The following DHRS4L2 variants were observed in gnomAD, a reference collection of about 807,000 sequenced individuals.
DHRS4L2 encodes the protein dehydrogenase/reductase 4 like 2.
A neutral mutation model predicts 23.9 loss-of-function variants in DHRS4L2; 22 were observed. The observed-to-expected ratio is 0.92, with a 90% CI of 0.66 to 1.31. DHRS4L2 has a LOEUF of 1.31. Among genes scored for constraint, DHRS4L2 ranks in the 40% most tolerant of loss-of-function variants. The pLI is 0.00. For missense variants in DHRS4L2, 385 were observed against 303.3 expected (o/e 1.27, Z -2.00); for synonymous variants, 141 against 123.7 (o/e 1.14, Z -0.93).
In DHRS4L2 at chr14:24,001,464, C is replaced by T. The variant is rs1478999082; in HGVS notation, c.612C>T (p.Asn204=). The T allele has an allele frequency of 6.2e-7, 1 of 1,605,636 alleles. No individual in the cohort carries two copies. Among genetic ancestry groups the T allele is most frequent in the Non-Finnish European group, 8.5e-7 (1 of 1,178,916 alleles). ...TGGCCATAGAGCTGGCCCCAAGGAA[C>T]ATTAGGGTGAACTGCCTGCACCTGG... ...NTLAIELAPR[N]IRVNCLHLDL... Residue 204 remains asparagine, a synonymous_variant, in exon 6 of 8, where the codon AAC becomes AAT. Transcript: ENST00000335125.
upstream of DHRS4L2, among the ~76,000 whole-genome samples, chr14:23,988,304 G>A (rs142554673): frequency 0.023 from 3,342 of 148,338 alleles, 176 homozygotes; most frequent in Middle Eastern, 0.056. Context: ...CTTTGGCGAG[G>A]GATATGAGAT....
At chr14:23,973,112 T>C (rs150414372) in intron 1 of DHRS4L2, among the ~76,000 whole-genome samples, 2,149 of 151,972 alleles carry the variant, frequency 0.014, 32 homozygotes, top group Middle Eastern at 0.031. Context: ...TGCAAGAGGC[T>C]TTCCTCTTTT....
chr14:23,993,615 T>C (rs2034313997), intron 2 of DHRS4L2, among the ~76,000 whole-genome samples: 1 of 151,610 alleles, frequency 6.6e-6, no homozygotes, highest in African/African-American at 2.4e-5. Flanking sequence ...GCTTGGCCAT[T>C]CATTACTCTA....
chr14:23,986,686 C>A (rs968633198), upstream of DHRS4L2, among the ~76,000 whole-genome samples: 2 of 151,404 alleles, frequency 1.3e-5, no homozygotes, highest in Non-Finnish European at 2.9e-5. Context: ...AACCCTCAGC[C>A]CCTCAGTGGG....
At chr14:23,995,674 C>T (rs1369884083) in intron 3 of DHRS4L2, among the ~76,000 whole-genome samples, 3 of 151,646 alleles carry the variant, frequency 2.0e-5, no homozygotes, top group Non-Finnish European at 4.4e-5. Flanking sequence ...ATCTGAGATC[C>T]AGATGTCTAA....
chr14:23,993,362 T>G (rs1169093338), intron 2 of DHRS4L2, among the ~76,000 whole-genome samples: 1 of 151,716 alleles, frequency 6.6e-6, no homozygotes, highest in Non-Finnish European at 1.5e-5. Context: ...CCAGCATTCC[T>G]TCCACTGTCT....
At position 24,001,957 on chromosome 14, in the gene DHRS4L2, CTTT is replaced by C. The variant is rs762131811; in HGVS notation, c.665+454_665+456del. 2.0e-3 allele frequency among the ~76,000 whole-genome samples: 11 copies of C among 5,516 alleles called. 5 individuals carry two copies. The highest frequency in any genetic ancestry group is 7.6e-3 in the African/African-American group (2 of 264). The allele number at this position is 5,516 out of a possible 152,430, so 3.6% of individuals were successfully genotyped here. A position where few individuals can be genotyped will look rare whatever the true frequency, so the allele number is the denominator to read the frequency against. The stretch of plus-strand genomic sequence containing the variant: ...CCTTTCCATTCTTCACTTTCCTCTT[CTTT>C]TTTTTTTTTTTTTCTTTTTTAATTA... On this transcript the variant is annotated intron_variant, in intron 6 of 7. Transcript: ENST00000335125.
chr14:23,971,172 G>A (rs1331513525), intron 1 of DHRS4L2, among the ~76,000 whole-genome samples: 1 of 152,040 alleles, frequency 6.6e-6, no homozygotes, highest in Admixed American at 6.6e-5. Flanking sequence ...CAGAAGTTAA[G>A]CTTCAGAAGG....
At chr14:23,976,389 G>C (rs1594452552) in intron 1 of DHRS4L2, among the ~76,000 whole-genome samples, 1 of 151,944 alleles carries the variant, frequency 6.6e-6, no homozygotes, top group East Asian at 1.9e-4. Flanking sequence ...GAAATGCAAA[G>C]CAAAACCACA....
intron 1 of DHRS4L2, among the ~76,000 whole-genome samples, chr14:23,977,171 C>T (rs1453937741): frequency 6.6e-6 from 1 of 151,912 alleles, no homozygotes; most frequent in Non-Finnish European, 1.5e-5. Context: ...TTTAAATAGA[C>T]TATATCAGTC....
intron 1 of DHRS4L2, among the ~76,000 whole-genome samples, chr14:23,982,709 T>C (rs994115175): frequency 6.6e-6 from 1 of 151,066 alleles, no homozygotes; most frequent in Non-Finnish European, 1.5e-5. Context: ...GGGGAAAGGA[T>C]TCCCTATTTT....
intron 1 of DHRS4L2, among the ~76,000 whole-genome samples, chr14:23,989,762 C>CA (rs1486349084): frequency 6.6e-6 from 1 of 151,714 alleles, no homozygotes; most frequent in Non-Finnish European, 1.5e-5. Context: ...ACATGCACCC[C>CA]AAAAAATAAT....
intron 1 of DHRS4L2, among the ~76,000 whole-genome samples, chr14:23,971,308 A>G (rs559389019): frequency 2.6e-5 from 4 of 152,066 alleles, no homozygotes; most frequent in Non-Finnish European, 4.4e-5. Context: ...AAGAGCTTAA[A>G]TGACCTGATG....
chr14:23,995,898 A>G (rs566554506), intron 3 of DHRS4L2, among the ~76,000 whole-genome samples: 13 of 151,892 alleles, frequency 8.6e-5, no homozygotes, highest in Admixed American at 4.6e-4. Context: ...TCTGTTTTGC[A>G]TTGCTATAAA....
intron 1 of DHRS4L2, among the ~76,000 whole-genome samples, chr14:23,974,606 G>C (rs1005085979): frequency 3.3e-5 from 5 of 151,772 alleles, no homozygotes; most frequent in Admixed American, 1.3e-4. Flanking sequence ...TACCATCAGA[G>C]AATACTATAA....
At chr14:23,975,784 A>G (rs1302122644) in intron 1 of DHRS4L2, among the ~76,000 whole-genome samples, 1 of 151,634 alleles carries the variant, frequency 6.6e-6, no homozygotes, top group Non-Finnish European at 1.5e-5. Flanking sequence ...ACAGAACAGA[A>G]GCCTCAGAAA....
rs192748015 is a variant in DHRS4L2 at position 23,982,080 on chromosome 14, G to A, written c.-175-8102G>A. On this transcript the variant is annotated intron_variant, in intron 1 of 5. Coordinates refer to the DHRS4L2 transcript ENST00000534993. ...TCAGCACAGACCCTTCATGGGTGTCGGGCTGGGGGACGGTCAGGGCTCTCC... is the reference window on the plus strand; with the variant it reads ...TCAGCACAGACCCTTCATGGGTGTCAGGCTGGGGGACGGTCAGGGCTCTCC... Among the ~76,000 whole-genome samples, 51 of 151,396 alleles carry A rather than the reference G, an allele frequency of 3.4e-4. 1 individual carries two copies. Among genetic ancestry groups the A allele is most frequent in the Non-Finnish European group, 6.5e-4 (44 of 67,846 alleles).
At chr14:23,971,083 G>A (rs952771620) in intron 1 of DHRS4L2, among the ~76,000 whole-genome samples, 6 of 152,022 alleles carry the variant, frequency 3.9e-5, no homozygotes, top group East Asian at 1.9e-4. Context: ...AAACCAGAAC[G>A]TCTCTTCTCT....
At chr14:23,979,307 C>A (rs2034020769) in intron 1 of DHRS4L2, among the ~76,000 whole-genome samples, 2 of 136,316 alleles carry the variant, frequency 1.5e-5, no homozygotes, top group Non-Finnish European at 3.1e-5. Context: ...TGCTTAGAGA[C>A]CTACAAAGAG....
Sources: allele counts gnomAD v4.1 joint callset (sites outside exome capture counted in the v4.1 genomes callset), GRCh38; gene constraint gnomAD v4.1.1; transcripts MANE v1.5; gene names NCBI Gene and HGNC (gene_info 2026-07-23, HGNC 2026-07-21).